COP1: variants seen among roughly 807,000 people sequenced by gnomAD.
The protein encoded by COP1 is E3 ubiquitin-protein ligase COP1.
In COP1, 24 loss-of-function variants were observed where a neutral mutation model predicts 101.3. That is an observed-to-expected ratio of 0.24 (90% confidence interval 0.17 to 0.33). The LOEUF (loss-of-function observed/expected upper bound fraction) is 0.33. Ranked by LOEUF, COP1 falls within the 10% of genes least tolerant of loss-of-function variation. The probability of loss-of-function intolerance (pLI) is 1.00; values close to 1 mark genes in which losing one functional copy is unlikely to be tolerated. For missense variants in COP1, 663 were observed against 906.2 expected (o/e 0.73, Z 3.45); for synonymous variants, 347 against 341.9 (o/e 1.01, Z -0.17).
intron 1 of COP1, among the ~76,000 whole-genome samples, chr1:176,200,996 A>G (rs538627954): frequency 9.6e-4 from 146 of 152,284 alleles, no homozygotes; most frequent in African/African-American, 3.5e-3. Context: ...AACTTAAAAA[A>G]CATTTTATTT....
intron 18 of COP1, among the ~76,000 whole-genome samples, chr1:175,984,372 C>A (rs1656601666): frequency 6.6e-6 from 1 of 152,200 alleles, no homozygotes; most frequent in Non-Finnish European, 1.5e-5. Flanking sequence ...TGGTGTTGAG[C>A]CTGCGTGTGC....
At chr1:176,047,332 T>C (rs976309383) in intron 11 of COP1, among the ~76,000 whole-genome samples, 7 of 152,178 alleles carry the variant, frequency 4.6e-5, no homozygotes, top group Non-Finnish European at 7.3e-5. Context: ...CTGTGATATA[T>C]GTATTATTAT....
At chr1:176,072,984 A>G (rs1677279437) in intron 11 of COP1, among the ~76,000 whole-genome samples, 1 of 152,192 alleles carries the variant, frequency 6.6e-6, no homozygotes, top group Admixed American at 6.5e-5. Flanking sequence ...GAAACTTTAC[A>G]AAGTTTCAAT....
chr1:176,008,216 CGCACCCACTGATCT>C (rs1382816901), intron 15 of COP1, among the ~76,000 whole-genome samples: 3 of 152,156 alleles, frequency 2.0e-5, no homozygotes, highest in African/African-American at 4.8e-5. Context: ...GCACGGTGCA[CGCACCCACTGATCT>C]GCACCCACTG....
At chr1:175,967,917 G>C (rs1652398600) in intron 18 of COP1, among the ~76,000 whole-genome samples, 1 of 151,394 alleles carries the variant, frequency 6.6e-6, no homozygotes, top group African/African-American at 2.4e-5. Context: ...ACCTAGCCTA[G>C]AGTGCAATGG....
chr1:176,176,673 G>C (rs937596447), intron 2 of COP1, among the ~76,000 whole-genome samples: 1 of 152,022 alleles, frequency 6.6e-6, no homozygotes, highest in African/African-American at 2.4e-5. Context: ...GAAAAAATTA[G>C]CCAGGCATGA....
chr1:176,189,725 A>C (rs1165282590), intron 1 of COP1, among the ~76,000 whole-genome samples: 1 of 151,874 alleles, frequency 6.6e-6, no homozygotes, highest in Non-Finnish European at 1.5e-5. Context: ...ATGAGAAACA[A>C]AGGTTCCCAA....
At chr1:176,158,123 C>T (rs947108437) in intron 5 of COP1, among the ~76,000 whole-genome samples, 11 of 151,818 alleles carry the variant, frequency 7.2e-5, no homozygotes, top group African/African-American at 2.7e-4. Context: ...CTGCAAGGCA[C>T]ATCATAATCA....
intron 8 of COP1, among the ~76,000 whole-genome samples, chr1:176,125,360 G>C (rs1687836331): frequency 6.6e-6 from 1 of 152,068 alleles, no homozygotes; most frequent in African/African-American, 2.4e-5. Flanking sequence ...TCTTGTAGTA[G>C]TTTCACAGTT....
intron 9 of COP1, among the ~76,000 whole-genome samples, chr1:176,108,143 T>C (rs1684650547): frequency 6.6e-6 from 1 of 152,146 alleles, no homozygotes; most frequent in African/African-American, 2.4e-5. Context: ...AATTTTTTAA[T>C]TTTGCTAATT....
chr1:176,156,122 C>T (rs552824545), intron 5 of COP1, among the ~76,000 whole-genome samples: 7 of 151,890 alleles, frequency 4.6e-5, no homozygotes, highest in African/African-American at 1.7e-4. Context: ...TTTGGTGAGA[C>T]TTATAACATG....
intron 11 of COP1, among the ~76,000 whole-genome samples, chr1:176,050,559 A>C (rs1212443762): frequency 6.6e-6 from 1 of 152,176 alleles, no homozygotes; most frequent in Non-Finnish European, 1.5e-5. Context: ...AAGAGCAGGT[A>C]ACTAAAACTT....
intron 3 of COP1, among the ~76,000 whole-genome samples, chr1:176,174,653 C>T (rs113097981): frequency 3.9e-5 from 6 of 152,208 alleles, no homozygotes; most frequent in East Asian, 3.9e-4. Flanking sequence ...TAGCTGAATA[C>T]GTTCAAATTC....
chr1:176,037,418 G>C (rs1226936608), intron 14 of COP1, among the ~76,000 whole-genome samples: 1 of 145,770 alleles, frequency 6.9e-6, no homozygotes, highest in African/African-American at 2.5e-5. Flanking sequence ...AAAAAAAAAA[G>C]TATAAGAAAA....
intron 11 of COP1, among the ~76,000 whole-genome samples, chr1:176,080,596 C>T (rs992556924): frequency 3.3e-5 from 5 of 151,962 alleles, no homozygotes; most frequent in Non-Finnish European, 7.4e-5. Flanking sequence ...TCATACAATC[C>T]AAAGATATTA....
At chr1:176,185,025 T>C (rs1202847088) in intron 1 of COP1, among the ~76,000 whole-genome samples, 1 of 152,150 alleles carries the variant, frequency 6.6e-6, no homozygotes, top group African/African-American at 2.4e-5. Context: ...AGCTCTACCA[T>C]CGTTTTCCAT....
chr1:176,067,207 G>C (rs903677115), intron 11 of COP1, among the ~76,000 whole-genome samples: 1 of 152,088 alleles, frequency 6.6e-6, no homozygotes, highest in Non-Finnish European at 1.5e-5. Context: ...GGTACAAATT[G>C]TAACAAACTG....
chr1:175,946,044 A>C (rs1295069777), intron 19 of COP1, among the ~76,000 whole-genome samples: 3 of 152,150 alleles, frequency 2.0e-5, no homozygotes, highest in African/African-American at 7.2e-5. Flanking sequence ...GTAAAGGATA[A>C]ACTTTTTGAA....
At chr1:175,958,743 G>A (rs1650981662) in intron 18 of COP1, among the ~76,000 whole-genome samples, 1 of 151,868 alleles carries the variant, frequency 6.6e-6, no homozygotes. Flanking sequence ...AAGCCAAGTG[G>A]AAAAATTCCT....
Sources: allele counts gnomAD v4.1 joint callset (sites outside exome capture counted in the v4.1 genomes callset), GRCh38; gene constraint gnomAD v4.1.1; transcripts MANE v1.5; gene names NCBI Gene and HGNC (gene_info 2026-07-23, HGNC 2026-07-21).